The following ADAM12 variants were observed in gnomAD, a reference collection of about 807,000 sequenced individuals.
ADAM12 encodes disintegrin and metalloproteinase domain-containing protein 12.
A neutral mutation model predicts 106.4 loss-of-function variants in ADAM12; 70 were observed. That is an observed-to-expected ratio of 0.66 (90% CI 0.54 to 0.80). The LOEUF is 0.80. ADAM12 is among the 30% of genes least tolerant of loss of function. ADAM12 has a pLI of 0.00. For synonymous variants in ADAM12, 420 were observed against 433.5 expected (o/e 0.97, Z 0.39); for missense variants, 1,010 against 1,171.9 (o/e 0.86, Z 2.02).
At chr10:126,267,687 G>A (rs930124991) in intron 3 of ADAM12, among the ~76,000 whole-genome samples, 27 of 152,158 alleles carry the variant, frequency 1.8e-4, no homozygotes, top group African/African-American at 5.5e-4. Flanking sequence ...TCACTCATCA[G>A]ATACTCATCC....
At chr10:126,159,165 C>T (rs1956887646) in intron 3 of ADAM12, among the ~76,000 whole-genome samples, 1 of 151,820 alleles carries the variant, frequency 6.6e-6, no homozygotes, top group Non-Finnish European at 1.5e-5. Flanking sequence ...AAAAAATTAG[C>T]CGGGCACGGT....
chr10:126,221,228 A>G (rs994312551), intron 3 of ADAM12, among the ~76,000 whole-genome samples: 3 of 152,130 alleles, frequency 2.0e-5, no homozygotes, highest in African/African-American at 7.2e-5. Context: ...TACTAAAAAT[A>G]CAAAAATTAG....
intron 1 of ADAM12, among the ~76,000 whole-genome samples, chr10:126,350,071 C>T (rs1411574321): frequency 6.6e-6 from 1 of 152,140 alleles, no homozygotes; most frequent in African/African-American, 2.4e-5. Flanking sequence ...GTTGAGGGTA[C>T]TTGTCACTGG....
chr10:126,192,284 G>A (rs1957517078), intron 3 of ADAM12, among the ~76,000 whole-genome samples: 1 of 152,172 alleles, frequency 6.6e-6, no homozygotes, highest in Admixed American at 6.5e-5. Flanking sequence ...TACATAAAAT[G>A]TGTAGAATAG....
At chr10:126,032,640 C>G (rs1202856590) in intron 21 of ADAM12, among the ~76,000 whole-genome samples, 1 of 152,058 alleles carries the variant, frequency 6.6e-6, no homozygotes, top group African/African-American at 2.4e-5. Context: ...TAAAAAAGTT[C>G]AGGATGAGGG....
chr10:126,167,921 C>G (rs903687673), intron 3 of ADAM12, among the ~76,000 whole-genome samples: 1 of 152,132 alleles, frequency 6.6e-6, no homozygotes, highest in Non-Finnish European at 1.5e-5. Context: ...GAAATGTGTT[C>G]AAGGCCACAC....
chr10:126,175,916 A>T (rs1190869822), intron 3 of ADAM12, among the ~76,000 whole-genome samples: 1 of 152,172 alleles, frequency 6.6e-6, no homozygotes, highest in African/African-American at 2.4e-5. Flanking sequence ...GGCAGGTGTG[A>T]TCTGCTGTTC....
intron 3 of ADAM12, among the ~76,000 whole-genome samples, chr10:126,174,638 C>T (rs1251806134): frequency 6.6e-6 from 1 of 152,122 alleles, no homozygotes; most frequent in African/African-American, 2.4e-5. Flanking sequence ...TTAGGATATT[C>T]CATCTCCCCG....
At chr10:126,315,796 C>T (rs532438280) in intron 2 of ADAM12, among the ~76,000 whole-genome samples, 14 of 152,274 alleles carry the variant, frequency 9.2e-5, no homozygotes, top group Admixed American at 6.5e-4. Flanking sequence ...TTTTCCACAG[C>T]AGATCCAGAC....
At chr10:126,160,336 T>G (rs1232848997) in intron 3 of ADAM12, among the ~76,000 whole-genome samples, 1 of 152,126 alleles carries the variant, frequency 6.6e-6, no homozygotes, top group Non-Finnish European at 1.5e-5. Context: ...CAATGATATG[T>G]CCATTTAAAT....
At chr10:126,346,288 C>T (rs956485238) in intron 1 of ADAM12, among the ~76,000 whole-genome samples, 9 of 152,078 alleles carry the variant, frequency 5.9e-5, no homozygotes, top group African/African-American at 1.9e-4. Context: ...TACCCAGTAG[C>T]CATTCAGGAG....
intron 12 of ADAM12, among the ~76,000 whole-genome samples, chr10:126,070,785 G>C (rs1234169771): frequency 6.6e-6 from 1 of 152,110 alleles, no homozygotes; most frequent in Non-Finnish European, 1.5e-5. Flanking sequence ...GTTTTACTAG[G>C]AGGTCTCATG....
At chr10:126,229,453 ATTGT>A (rs60037569) in intron 3 of ADAM12, among the ~76,000 whole-genome samples, 60,513 of 151,712 alleles carry the variant, frequency 0.4, 13,493 homozygotes, top group Non-Finnish European at 0.51. Context: ...GCCTTTTAAA[ATTGT>A]TTGTAGAATA....
At chr10:126,026,179 G>A (rs1274551041) in intron 21 of ADAM12, among the ~76,000 whole-genome samples, 1 of 152,132 alleles carries the variant, frequency 6.6e-6, no homozygotes, top group East Asian at 1.9e-4. Flanking sequence ...ACAGAAAAAA[G>A]TAGGGGTTGC....
rs572361969 is a variant in ADAM12, at chr10:126,116,960, T to C, written c.603+1078A>G. 1.1e-4 allele frequency among the ~76,000 whole-genome samples: 16 copies of C among 152,268 alleles called. No individual in the cohort carries two copies. In the East Asian group the frequency reaches 2.7e-3, roughly 26 times the overall value. On this transcript the variant is annotated intron_variant, in intron 6 of 22. Transcript: ENST00000448723. The stretch of plus-strand genomic sequence containing the variant: ...AGTGCTAAGCAGTGGTCTACTGAAA[T>C]TCAAGTTAGGAGACAACAACGGGTT...
intron 11 of ADAM12, among the ~76,000 whole-genome samples, chr10:126,086,414 A>G (rs1278359): frequency 0.72 from 107,814 of 150,150 alleles, 39,418 homozygotes; most frequent in African/African-American, 0.85. Context: ...GGTGGCTCAC[A>G]CCTGTAATCC....
chr10:126,343,184 C>G (rs1283222359), intron 1 of ADAM12, among the ~76,000 whole-genome samples: 3 of 143,750 alleles, frequency 2.1e-5, no homozygotes, highest in South Asian at 5.0e-4. Flanking sequence ...CCCCCTCCCC[C>G]CATCCCACGA....
At chr10:126,230,696 C>G (rs1958293302) in intron 3 of ADAM12, among the ~76,000 whole-genome samples, 1 of 152,178 alleles carries the variant, frequency 6.6e-6, no homozygotes. Context: ...TTGTGATTGT[C>G]TTAAGCCCTT....
At chr10:126,248,676 TG>T (rs398015039) in intron 3 of ADAM12, among the ~76,000 whole-genome samples, 2 of 31,486 alleles carry the variant, frequency 6.4e-5, no homozygotes, top group African/African-American at 4.1e-4. Context: ...TATGTATGTA[TG>T]TATGTATGTA....
Sources: gnomAD v4.1 joint callset for allele counts (sites outside exome capture counted in the v4.1 genomes callset) on GRCh38, gnomAD v4.1.1 for gene constraint, MANE v1.5 for transcripts, NCBI Gene and HGNC (gene_info 2026-07-23, HGNC 2026-07-21) for gene names.